ACER3: variants seen among roughly 807,000 people sequenced by gnomAD.
The protein encoded by ACER3 is alkCDase 3.
In ACER3, 16 loss-of-function variants were observed where a neutral mutation model predicts 48.9. That is an observed-to-expected ratio of 0.33 (90% CI 0.22 to 0.50). The LOEUF (loss-of-function observed/expected upper bound fraction) is 0.50, where lower values mean the gene tolerates loss of function less well. ACER3 is among the 20% of genes least tolerant of loss of function. ACER3 has a pLI of 0.98. For missense variants in ACER3, 227 were observed against 326.0 expected (o/e 0.70, Z 2.34); for synonymous variants, 109 against 107.8 (o/e 1.01, Z -0.07).
intron 1 of ACER3, among the ~76,000 whole-genome samples, chr11:76,911,763 CA>C (rs1946384314): frequency 6.6e-6 from 1 of 152,176 alleles, no homozygotes; most frequent in Admixed American, 6.6e-5. Flanking sequence ...ACACTACCTT[CA>C]CTATAAGTAT....
intron 1 of ACER3, among the ~76,000 whole-genome samples, chr11:76,918,235 A>G (rs1475065209): frequency 6.6e-6 from 1 of 151,846 alleles, no homozygotes; most frequent in African/African-American, 2.4e-5. Context: ...ATCATTTTTT[A>G]AAGTAAGACA....
chr11:77,005,991 A>ATATACATATATATTTT (rs1388727709), intron 7 of ACER3, among the ~76,000 whole-genome samples: 1 of 100,894 alleles, frequency 9.9e-6, no homozygotes, highest in Non-Finnish European at 1.9e-5. Context: ...ATATATATAT[A>ATATACATATATATTTT]TTTTTTTTTT....
At chr11:76,882,549 T>C (rs1042645681) in intron 1 of ACER3, among the ~76,000 whole-genome samples, 9 of 152,220 alleles carry the variant, frequency 5.9e-5, no homozygotes, top group Admixed American at 1.3e-4. Context: ...CTTAATTCCT[T>C]GAGGCTAGTT....
intron 3 of ACER3, among the ~76,000 whole-genome samples, chr11:76,975,985 T>G (rs539829775): frequency 1.4e-5 from 2 of 147,662 alleles, no homozygotes; most frequent in African/African-American, 5.0e-5. Context: ...GCTCAAGCGA[T>G]CCTTTTGCTT....
intron 1 of ACER3, among the ~76,000 whole-genome samples, chr11:76,904,819 G>C (rs1036337810): frequency 2.5e-4 from 37 of 149,770 alleles, no homozygotes; most frequent in African/African-American, 9.3e-4. Context: ...TTAATTATTT[G>C]CTATATGTCT....
intron 3 of ACER3, among the ~76,000 whole-genome samples, chr11:76,969,653 G>A (rs1363697393): frequency 6.6e-6 from 1 of 151,780 alleles, no homozygotes; most frequent in Non-Finnish European, 1.5e-5. Flanking sequence ...TAGGGACATG[G>A]ATGAAGCTGG....
intron 4 of ACER3, among the ~76,000 whole-genome samples, chr11:76,982,279 C>T (rs1313842088): frequency 2.1e-5 from 3 of 145,942 alleles, no homozygotes; most frequent in Non-Finnish European, 4.5e-5. Context: ...TGCAGTGGTG[C>T]GATCTCGGCT....
intron 6 of ACER3, among the ~76,000 whole-genome samples, chr11:76,995,384 A>T (rs531207379): frequency 3.3e-4 from 51 of 152,316 alleles, no homozygotes; most frequent in Admixed American, 8.5e-4. Flanking sequence ...GGCCTTACCT[A>T]ACAACTCTGT....
intron 8 of ACER3, 174 bp downstream of exon 8, chr11:77,015,291 C>T (rs1178401813): frequency 4.9e-5 from 24 of 491,844 alleles, no homozygotes; most frequent in Middle Eastern, 5.4e-4. Flanking sequence ...GTTTAAATTA[C>T]CTAAAATTTT....
chr11:76,945,897 G>A (rs1201797492), intron 2 of ACER3, among the ~76,000 whole-genome samples: 3 of 152,190 alleles, frequency 2.0e-5, no homozygotes, highest in African/African-American at 7.2e-5. Context: ...CCTGAAACAG[G>A]GTGATAGGTA....
intron 7 of ACER3, among the ~76,000 whole-genome samples, chr11:76,999,025 G>A (rs536081194): frequency 1.2e-4 from 18 of 152,106 alleles, no homozygotes; most frequent in Non-Finnish European, 2.2e-4. Flanking sequence ...GAAAACTAGG[G>A]TTCCAAAATT....
chr11:76,861,242 G>C (rs1163038240), intron 1 of ACER3, among the ~76,000 whole-genome samples, 163 bp downstream of exon 1: 1 of 151,940 alleles, frequency 6.6e-6, no homozygotes, highest in Non-Finnish European at 1.5e-5. Flanking sequence ...TGAGAGGAGC[G>C]GGCCGGGAGT....
chr11:76,980,502 C>T (rs916385523), intron 4 of ACER3, among the ~76,000 whole-genome samples: 4 of 151,988 alleles, frequency 2.6e-5, no homozygotes, highest in African/African-American at 9.7e-5. Context: ...TATAGTGAGA[C>T]CCTGTCACTA....
intron 3 of ACER3, among the ~76,000 whole-genome samples, chr11:76,970,082 C>T (rs577103058): frequency 2.0e-5 from 3 of 152,260 alleles, no homozygotes; most frequent in Admixed American, 6.5e-5. Flanking sequence ...TTTATTGGCA[C>T]AGTCTGTTTT....
At chr11:76,942,195 C>CAAT in intron 2 of ACER3, among the ~76,000 whole-genome samples, 1 of 151,928 alleles carries the variant, frequency 6.6e-6, no homozygotes. Context: ...CTAGAACTTC[C>CAAT]ACAGTATATT....
chr11:76,911,506 C>G (rs1358831897), intron 1 of ACER3, among the ~76,000 whole-genome samples: 1 of 152,134 alleles, frequency 6.6e-6, no homozygotes, highest in Non-Finnish European at 1.5e-5. Context: ...TCCTGCTGAC[C>G]TCCTGTCTTG....
chr11:76,952,198 AAATTGGTG>A, intron 2 of ACER3, among the ~76,000 whole-genome samples: 1 of 152,084 alleles, frequency 6.6e-6, no homozygotes, highest in South Asian at 2.1e-4. Flanking sequence ...CAGATGATAA[AAATTGGTG>A]AATCTGAACC....
Position 76,926,631 on chromosome 11 carries a change from G to C in ACER3, c.178G>C (p.Glu60Gln), listed in dbSNP as rs781035647. Residue 60 changes from glutamate (E) to glutamine (Q), a missense_variant, in exon 2 of 11, where the codon GAA becomes CAA. By Grantham distance (29) the Glu-to-Gln change is conservative. Coordinates refer to ENST00000532485, the MANE Select transcript of ACER3 (RefSeq NM_018367.7). ...AGTTCAGAGTGTTAGAGACGGTCTG[G>C]AAAAGCGGTACATTGCTTCTTATTT... ...GAVQSVRDGL[E>Q]KRYIASYLAL... 49 of 1,604,992 alleles carry C rather than the reference G, an allele frequency of 3.1e-5. No homozygotes were observed. Among genetic ancestry groups the C allele is most frequent in the Non-Finnish European group, 4.2e-5 (49 of 1,171,942 alleles).
Position 77,020,541 on chromosome 11 carries a change from T to C in ACER3, c.*214T>C. The C allele has an allele frequency of 5.7e-6, 3 of 525,264 alleles. No homozygotes were observed. Among genetic ancestry groups the C allele is most frequent in the Non-Finnish European group, 1.0e-5 (3 of 293,652 alleles). 32.5% of individuals were successfully genotyped at this position (525,264 alleles called of 1,614,324 possible). On this transcript the variant is annotated 3_prime_UTR_variant, in exon 11 of 11. Transcript: ENST00000532485. Reference sequence around the variant, plus strand: ...TTATCTTATTTGTCCCCCTCCTCCTTTCACGCTCCAGTTTATAAAGAAACA... The same window carrying C: ...TTATCTTATTTGTCCCCCTCCTCCTCTCACGCTCCAGTTTATAAAGAAACA...
Sources: gnomAD v4.1 joint callset for allele counts (sites outside exome capture counted in the v4.1 genomes callset) on GRCh38, gnomAD v4.1.1 for gene constraint, MANE v1.5 for transcripts, NCBI Gene and HGNC (gene_info 2026-07-23, HGNC 2026-07-21) for gene names.